The following ARHGAP24 variants were observed in gnomAD, a reference collection of about 807,000 sequenced individuals.
ARHGAP24 encodes Rho GTPase activating protein 24, also known as rho GTPase-activating protein 24.
ARHGAP24 carries 50 observed loss-of-function variants against 76.4 expected under a neutral mutation model. That is an observed-to-expected ratio of 0.65 (90% CI 0.52 to 0.83). ARHGAP24 has a LOEUF of 0.83. Ranked by LOEUF, ARHGAP24 falls within the 40% of genes least tolerant of loss-of-function variation. ARHGAP24 has a pLI of 0.00. For missense variants in ARHGAP24, 930 were observed against 914.2 expected (o/e 1.02, Z -0.22); for synonymous variants, 345 against 323.3 (o/e 1.07, Z -0.72).
chr4:85,953,993 C>G (rs1737768719), intron 5 of ARHGAP24, among the ~76,000 whole-genome samples: 1 of 152,136 alleles, frequency 6.6e-6, no homozygotes, highest in Admixed American at 6.5e-5. Context: ...GAAGAGGAAA[C>G]AGTGGAGGGC....
intron 2 of ARHGAP24, among the ~76,000 whole-genome samples, chr4:85,703,509 G>A (rs1724180516): frequency 6.6e-6 from 1 of 152,086 alleles, no homozygotes; most frequent in Admixed American, 6.5e-5. Context: ...GGAACTTGGG[G>A]GAGTTGATGA....
intron 3 of ARHGAP24, among the ~76,000 whole-genome samples, chr4:85,887,916 C>T (rs142864234): frequency 6.6e-6 from 1 of 152,168 alleles, no homozygotes; most frequent in Non-Finnish European, 1.5e-5. Context: ...TATTTCTTAC[C>T]ATTTATGTTG....
intron 2 of ARHGAP24, among the ~76,000 whole-genome samples, chr4:85,572,874 C>CTTTTTTTTTT (rs775780758): frequency 2.0e-4 from 25 of 124,286 alleles, no homozygotes; most frequent in African/African-American, 2.5e-4. Flanking sequence ...TTTTTTCTTT[C>CTTTTTTTTTT]TTTTTTTTTT....
intron 3 of ARHGAP24, among the ~76,000 whole-genome samples, chr4:85,899,672 G>A (rs879329836): frequency 6.6e-6 from 1 of 152,180 alleles, no homozygotes; most frequent in Non-Finnish European, 1.5e-5. Context: ...AAATTTGTAA[G>A]TGTAGCTTCT....
chr4:85,675,239 G>A (rs1344353716), intron 2 of ARHGAP24, among the ~76,000 whole-genome samples: 8 of 152,164 alleles, frequency 5.3e-5, no homozygotes, highest in Admixed American at 5.2e-4. Flanking sequence ...GAGATACTTA[G>A]CTAAGACAAT....
intron 3 of ARHGAP24, among the ~76,000 whole-genome samples, chr4:85,826,787 TA>T (rs1729731976): frequency 6.6e-6 from 1 of 152,220 alleles, no homozygotes; most frequent in African/African-American, 2.4e-5. Flanking sequence ...CCTAGGAGGT[TA>T]AATTGCTAAT....
At chr4:85,928,022 T>C (rs142748190) in intron 4 of ARHGAP24, among the ~76,000 whole-genome samples, 85 of 152,296 alleles carry the variant, frequency 5.6e-4, no homozygotes, top group African/African-American at 1.9e-3. Context: ...AATACTCATA[T>C]GGGGCAGGGA....
intron 1 of ARHGAP24, among the ~76,000 whole-genome samples, chr4:85,551,238 G>A (rs553156088): frequency 4.1e-4 from 62 of 152,310 alleles, no homozygotes; most frequent in African/African-American, 1.3e-3. Flanking sequence ...TTAACCTGAA[G>A]GGATGTTGAA....
At chr4:85,509,834 C>T (rs978516315) in intron 1 of ARHGAP24, among the ~76,000 whole-genome samples, 14 of 151,878 alleles carry the variant, frequency 9.2e-5, no homozygotes, top group African/African-American at 2.9e-4. Flanking sequence ...GTAATATATA[C>T]TTATAAATGG....
At chr4:85,878,684 T>C (rs1388685662) in intron 3 of ARHGAP24, among the ~76,000 whole-genome samples, 6 of 152,188 alleles carry the variant, frequency 3.9e-5, no homozygotes. Flanking sequence ...TGATCTTGCA[T>C]AATCCATTTG....
chr4:85,551,144 A>G lies in ARHGAP24; in HGVS notation c.-20-19378A>G, dbSNP rs558655880. Among the ~76,000 whole-genome samples the G allele has an allele frequency of 1.6e-4, 25 of 152,308 alleles. No individual in the cohort carries two copies. The South Asian group carries it at 4.4e-3, about 27-fold the overall frequency. ...GAATGCTTCTAGCTTTTGTCCATTC[A>G]GTATGATGTTTGTTGTGGGTTTGTC... On this transcript the variant is annotated intron_variant, in intron 1 of 9. Transcript: ENST00000395184.
chr4:85,514,007 C>G (rs900499266), intron 1 of ARHGAP24, among the ~76,000 whole-genome samples: 1 of 152,184 alleles, frequency 6.6e-6, no homozygotes, highest in Non-Finnish European at 1.5e-5. Context: ...TTCCTGTTTT[C>G]TGTCTCTGGA....
Position 85,771,477 on chromosome 4 carries a change from G to C in ARHGAP24, c.268+49505G>C, listed in dbSNP as rs567764827. ...GATTGCATTATGCCCACTCACATAG[G>C]TGAGGGCCATCTTCTTTACTCAGTC... On this transcript the variant is annotated intron_variant, in intron 3 of 9. Coordinates refer to ENST00000395184, the MANE Select transcript of ARHGAP24 (RefSeq NM_001025616.3). 3.9e-5 allele frequency among the ~76,000 whole-genome samples: 6 copies of C among 152,324 alleles called. No individual in the cohort carries two copies. The South Asian group carries it at 1.2e-3, about 32-fold the overall frequency.
intron 3 of ARHGAP24, among the ~76,000 whole-genome samples, chr4:85,871,935 T>C (rs574129801): frequency 2.0e-5 from 3 of 152,146 alleles, no homozygotes; most frequent in African/African-American, 7.2e-5. Context: ...GAAATGGTTT[T>C]CATTTAAAAA....
chr4:86,000,553 A>C lies in ARHGAP24; in HGVS notation c.2078A>C (p.Lys693Thr). ...LHDELDQERK[K>T]FTMIEIKMRN... ...GATGAACTGGATCAGGAGAGGAAAA[A>C]GTTCACAATGATAGAAATAAAAATG... Residue 693 changes from lysine to threonine, a missense_variant, in exon 10 of 10, where the codon AAG (lysine) becomes ACG (threonine). Transcript: ENST00000395184. 6.2e-7 allele frequency: 1 copy of C among 1,612,220 alleles called. No homozygotes were observed. Among genetic ancestry groups the C allele is most frequent in the South Asian group, 1.1e-5 (1 of 91,040 alleles).
At chr4:85,626,690 C>A (rs1459391644) in intron 2 of ARHGAP24, among the ~76,000 whole-genome samples, 1 of 152,310 alleles carries the variant, frequency 6.6e-6, no homozygotes, top group Middle Eastern at 3.4e-3. Flanking sequence ...TGGTTCCATT[C>A]TCCCCATCAC....
At chr4:85,928,577 C>T (rs920440535) in intron 4 of ARHGAP24, among the ~76,000 whole-genome samples, 2 of 152,158 alleles carry the variant, frequency 1.3e-5, no homozygotes, top group Non-Finnish European at 2.9e-5. Context: ...CCTGCCTCAG[C>T]CTCCCCAGTA....
chr4:85,569,121 T>C (rs1169127839), intron 1 of ARHGAP24, among the ~76,000 whole-genome samples: 2 of 152,210 alleles, frequency 1.3e-5, no homozygotes, highest in African/African-American at 2.4e-5. Context: ...TACATGCAAA[T>C]TGATTAAAAA....
At chr4:85,616,348 A>C (rs2109999838) in intron 2 of ARHGAP24, among the ~76,000 whole-genome samples, 1 of 152,346 alleles carries the variant, frequency 6.6e-6, no homozygotes, top group South Asian at 2.1e-4. Flanking sequence ...AGCTTTACTA[A>C]AATTATTATT....
Sources: allele counts gnomAD v4.1 joint callset (sites outside exome capture counted in the v4.1 genomes callset), GRCh38; gene constraint gnomAD v4.1.1; transcripts MANE v1.5; gene names NCBI Gene and HGNC (gene_info 2026-07-23, HGNC 2026-07-21).